Variants in GLRA1 observed in about 807,000 individuals in gnomAD.
GLRA1 encodes glycine receptor subunit alpha-1.
In GLRA1, 37 loss-of-function variants were observed where a neutral mutation model predicts 48.3. That is an observed-to-expected ratio of 0.77 (90% CI 0.59 to 1.01). GLRA1 has a LOEUF of 1.01. Among genes scored for constraint, GLRA1 ranks in the 50% least tolerant of loss-of-function variants. The pLI is 0.00. For missense variants in GLRA1, 427 were observed against 571.0 expected (o/e 0.75, Z 2.57); for synonymous variants, 196 against 210.7 (o/e 0.93, Z 0.60).
Position 151,866,175 on chromosome 5 carries a change from G to A in GLRA1, c.253-6167C>T, listed in dbSNP as rs532072623. Among the ~76,000 whole-genome samples the A allele has an allele frequency of 2.6e-5, 4 of 152,256 alleles. No individual in the cohort carries two copies. The South Asian group carries it at 6.2e-4, about 24-fold the overall frequency. On this transcript the variant is annotated intron_variant, in intron 3 of 8. Transcript: ENST00000274576. Reference sequence around the variant, plus strand: ...ATTTCCAGAGCTCTGATTCAACAGTGTTCAGCATCAACTCACCCATCCTGC... The same window carrying A: ...ATTTCCAGAGCTCTGATTCAACAGTATTCAGCATCAACTCACCCATCCTGC...
At position 151,822,870 on chromosome 5, in the gene GLRA1, C is replaced by T. The variant is rs761971337; in HGVS notation, c.1153G>A (p.Ala385Thr). The T allele has an allele frequency of 1.1e-5, 18 of 1,613,938 alleles. 1 individual carries two copies. The highest frequency in any genetic ancestry group is 8.3e-5 in the Admixed American group (5 of 59,992). ...QAKDGISVKG[A>T]NNSNTTNPPP... The stretch of plus-strand genomic sequence containing the variant: ...GGGTTGGTGGTGTTACTGTTGTTGG[C>T]GCCCTTGACTGAGATGCCATCCTTG... The change falls in exon 9 of 9, where the codon GCC becomes ACC. Residue 385 changes from alanine to threonine, a missense_variant. By Grantham distance (58) the Ala-to-Thr change is moderately conservative. This residue lies in a region of GLRA1 where 121 missense variants were observed against 96.5 expected (regional missense o/e 1.25). Transcript: ENST00000274576.
At chr5:151,867,496 G>A (rs115188397) in intron 3 of GLRA1, among the ~76,000 whole-genome samples, 1,715 of 152,224 alleles carry the variant, frequency 0.011, 38 homozygotes, top group African/African-American at 0.039. Context: ...GTAGGCAGGG[G>A]CATTCAAACA....
chr5:151,825,564 G>A (rs560425837), intron 8 of GLRA1, among the ~76,000 whole-genome samples: 2 of 152,306 alleles, frequency 1.3e-5, no homozygotes, highest in Admixed American at 6.5e-5. Context: ...GGCAGGAAAT[G>A]CATGCCCAAC....
intron 7 of GLRA1, among the ~76,000 whole-genome samples, chr5:151,834,016 A>G (rs1005155338): frequency 6.6e-6 from 1 of 152,190 alleles, no homozygotes. Context: ...AGACTCTCAC[A>G]CAATAATAGT....
chr5:151,836,409 C>T (rs1763579764), intron 7 of GLRA1, among the ~76,000 whole-genome samples: 1 of 152,172 alleles, frequency 6.6e-6, no homozygotes, highest in African/African-American at 2.4e-5. Flanking sequence ...TCATTGCTAT[C>T]ACCATCAAGC....
chr5:151,831,776 T>C (rs1763432821), intron 7 of GLRA1, among the ~76,000 whole-genome samples: 1 of 152,192 alleles, frequency 6.6e-6, no homozygotes, highest in Non-Finnish European at 1.5e-5. Flanking sequence ...GCAGTGGATC[T>C]CCCAGCACAG....
rs185922585 is a variant in GLRA1 at position 151,917,456 on chromosome 5, G to T, written c.56+7038C>A. Among the ~76,000 whole-genome samples, 41 of 152,154 alleles carry T rather than the reference G, an allele frequency of 2.7e-4. No homozygotes were observed. The East Asian group carries it at 7.7e-3, about 29-fold the overall frequency. ...ATTTAATTTTTAAAACCACTTTATT[G>T]AGGTGTGATTGACATACAAAAGCTG... is the stretch of plus-strand genomic sequence containing the variant. On this transcript the variant is annotated intron_variant, in intron 1 of 8. Transcript: ENST00000274576.
chr5:151,893,785 G>C (rs1427512940), intron 1 of GLRA1, among the ~76,000 whole-genome samples: 1 of 152,120 alleles, frequency 6.6e-6, no homozygotes, highest in African/African-American at 2.4e-5. Flanking sequence ...TTGGTTCCAA[G>C]TCTTTGCTAT....
chr5:151,864,290 T>A (rs1753278401), intron 3 of GLRA1, among the ~76,000 whole-genome samples: 1 of 152,192 alleles, frequency 6.6e-6, no homozygotes, highest in Admixed American at 6.5e-5. Flanking sequence ...TCCGTTTATG[T>A]GGCTAGCAGG....
At chr5:151,882,381 C>G (rs562143065) in intron 3 of GLRA1, among the ~76,000 whole-genome samples, 1 of 152,322 alleles carries the variant, frequency 6.6e-6, no homozygotes, top group South Asian at 2.1e-4. Context: ...GTGATAGATA[C>G]AGAAGTGCTC....
intron 3 of GLRA1, among the ~76,000 whole-genome samples, chr5:151,869,715 A>AAAAAAC (rs958056377): frequency 5.3e-5 from 8 of 149,774 alleles, no homozygotes; most frequent in South Asian, 4.2e-4. Flanking sequence ...ACTCCACCTC[A>AAAAAAC]AAAAACAAAA....
At chr5:151,898,545 G>C (rs1754279785) in intron 1 of GLRA1, among the ~76,000 whole-genome samples, 1 of 152,158 alleles carries the variant, frequency 6.6e-6, no homozygotes, top group Non-Finnish European at 1.5e-5. Context: ...GGTCAGCAGA[G>C]GGGATCCCTC....
At chr5:151,916,461 G>A (rs142704519) in intron 1 of GLRA1, among the ~76,000 whole-genome samples, 18 of 152,332 alleles carry the variant, frequency 1.2e-4, no homozygotes, top group African/African-American at 3.8e-4. Flanking sequence ...GAAGATCATA[G>A]TAGTTACTCT....
At chr5:151,905,954 A>G (rs548942407) in intron 1 of GLRA1, among the ~76,000 whole-genome samples, 1 of 152,122 alleles carries the variant, frequency 6.6e-6, no homozygotes, top group East Asian at 1.9e-4. Flanking sequence ...TGCCTGTGTC[A>G]TATTCATTTT....
chr5:151,883,727 G>T (rs2113401494), intron 3 of GLRA1, among the ~76,000 whole-genome samples: 1 of 152,356 alleles, frequency 6.6e-6, no homozygotes, highest in Admixed American at 6.5e-5. Context: ...AATACTCACA[G>T]CAGGCCACAA....
chr5:151,842,318 G>A (rs4379180), intron 7 of GLRA1, among the ~76,000 whole-genome samples: 66,951 of 149,874 alleles, frequency 0.45, 15,362 homozygotes, highest in African/African-American at 0.56. Context: ...AGAAAACTAC[G>A]TATCAACATC....
intron 3 of GLRA1, among the ~76,000 whole-genome samples, chr5:151,876,611 C>A (rs1235727355): frequency 6.6e-6 from 1 of 152,104 alleles, no homozygotes. Flanking sequence ...AAAGCAGAGA[C>A]CTCCTACTCA....
At chr5:151,834,213 A>G (rs2113300908) in intron 7 of GLRA1, among the ~76,000 whole-genome samples, 1 of 152,344 alleles carries the variant, frequency 6.6e-6, no homozygotes, top group East Asian at 1.9e-4. Flanking sequence ...AAAATTGACC[A>G]CATAATTGGA....
intron 7 of GLRA1, among the ~76,000 whole-genome samples, chr5:151,838,592 C>T (rs1158155204): frequency 1.3e-5 from 2 of 152,006 alleles, no homozygotes; most frequent in Admixed American, 6.6e-5. Flanking sequence ...AATCAGGAAA[C>T]TTAAAGAAGA....
Sources: gnomAD v4.1 joint callset for allele counts (sites outside exome capture counted in the v4.1 genomes callset) on GRCh38, gnomAD v4.1.1 for gene constraint, gnomAD v4.1.1 regional missense constraint, MANE v1.5 for transcripts, NCBI Gene and HGNC (gene_info 2026-07-23, HGNC 2026-07-21) for gene names.